The following DACH2 variants were observed in gnomAD, a reference collection of about 807,000 sequenced individuals.
DACH2 encodes dachshund homolog 2.
A neutral mutation model predicts 35.8 loss-of-function variants in DACH2; 17 were observed. The observed-to-expected ratio is 0.48, with a 90% CI of 0.33 to 0.71. The LOEUF (loss-of-function observed/expected upper bound fraction) is 0.71. Among genes scored for constraint, DACH2 ranks in the 30% least tolerant of loss-of-function variants. The pLI is 0.02. For synonymous variants in DACH2, 195 were observed against 177.3 expected (o/e 1.10, Z -0.79); for missense variants, 469 against 472.7 (o/e 0.99, Z 0.07).
At position 86,567,969 on chromosome X, in the gene DACH2, G is replaced by A. The variant is rs759172259; in HGVS notation, c.640+53578G>A. The stretch of plus-strand genomic sequence containing the variant: ...ACATCAAGACAATTGAATATTATTC[G>A]CTGCTAAAAGAAATGCAATATCAAG... On this transcript the variant is annotated intron_variant, in intron 3 of 11. Coordinates refer to ENST00000373125, the MANE Select transcript of DACH2 (RefSeq NM_053281.3). 6.3e-5 allele frequency among the ~76,000 whole-genome samples: 7 copies of A among 111,250 alleles called. No homozygotes were observed. In the East Asian group the frequency reaches 8.6e-4, roughly 14 times the overall value.
intron 2 of DACH2, among the ~76,000 whole-genome samples, chrX:86,424,920 C>A (rs771123468): frequency 3.6e-5 from 4 of 111,197 alleles, no homozygotes; most frequent in Non-Finnish European, 7.6e-5. Context: ...TTTTCAGGAT[C>A]TGTGGAAATG....
At chrX:86,790,358 G>A (rs1005362155) in intron 7 of DACH2, among the ~76,000 whole-genome samples, 1 of 111,588 alleles carries the variant, frequency 9.0e-6, no homozygotes, top group Non-Finnish European at 1.9e-5. Context: ...TATATTTGTT[G>A]TATGTAATAA....
intron 6 of DACH2, among the ~76,000 whole-genome samples, chrX:86,739,193 C>A (rs901127409): frequency 2.7e-5 from 3 of 111,687 alleles, no homozygotes; most frequent in Non-Finnish European, 5.6e-5. Flanking sequence ...ATTTTGTTGG[C>A]AGAATTCAAC....
intron 3 of DACH2, among the ~76,000 whole-genome samples, chrX:86,610,358 C>T (rs1373964547): frequency 7.3e-5 from 7 of 95,279 alleles, no homozygotes; most frequent in African/African-American, 2.6e-4. Context: ...TTCCTTCCTT[C>T]CTTCCTCTTT....
intron 4 of DACH2, 43 bp downstream of exon 4, chrX:86,651,210 C>T (rs6623751): frequency 0.3 from 350,357 of 1,174,394 alleles, 40,720 homozygotes; most frequent in East Asian, 0.83. Flanking sequence ...TCTTACTGTT[C>T]TATTGTGGGG....
chrX:86,615,253 C>T (rs187034773), intron 3 of DACH2, among the ~76,000 whole-genome samples: 34 of 111,855 alleles, frequency 3.0e-4, no homozygotes, highest in Admixed American at 2.9e-3. Flanking sequence ...ATGAAATTAG[C>T]AGATGCAAAC....
intron 9 of DACH2, among the ~76,000 whole-genome samples, chrX:86,813,560 C>T (rs1215791051): frequency 9.4e-6 from 1 of 106,920 alleles, no homozygotes; most frequent in Non-Finnish European, 1.9e-5. Context: ...TGCAGTAAGC[C>T]GAAATTGTGC....
At chrX:86,336,835 G>A (rs192677418) in intron 1 of DACH2, among the ~76,000 whole-genome samples, 74 of 109,475 alleles carry the variant, frequency 6.8e-4, no homozygotes, top group African/African-American at 2.4e-3. Context: ...TTGAAAACAG[G>A]TTAGACCAAT....
At chrX:86,781,910 G>T (rs1281371647) in intron 7 of DACH2, among the ~76,000 whole-genome samples, 3 of 111,833 alleles carry the variant, frequency 2.7e-5, no homozygotes, top group Non-Finnish European at 5.6e-5. Context: ...GTTTGCAAAT[G>T]ATATGGTCTT....
chrX:86,743,563 A>T (rs1187180749), intron 7 of DACH2, among the ~76,000 whole-genome samples: 1 of 111,646 alleles, frequency 9.0e-6, no homozygotes, highest in Non-Finnish European at 1.9e-5. Flanking sequence ...TAGAAAAAAT[A>T]TTTCATGAAC....
chrX:86,618,914 T>A (rs1347622979), intron 3 of DACH2, among the ~76,000 whole-genome samples: 1 of 112,098 alleles, frequency 8.9e-6, no homozygotes, highest in East Asian at 2.8e-4. Context: ...CACACTAGAA[T>A]TGGCTCTTAC....
chrX:86,396,390 T>G (rs1344487857), intron 2 of DACH2, among the ~76,000 whole-genome samples: 3 of 95,062 alleles, frequency 3.2e-5, no homozygotes, highest in Non-Finnish European at 4.2e-5. Context: ...CTCTTTAGTT[T>G]AATTAGATCC....
intron 7 of DACH2, among the ~76,000 whole-genome samples, chrX:86,753,951 AC>A (rs1334424087): frequency 3.7e-5 from 4 of 108,986 alleles, no homozygotes; most frequent in Non-Finnish European, 7.7e-5. Context: ...AAAAAAAAAA[AC>A]AAATGTTCAA....
chrX:86,636,371 G>C (rs6418348), intron 3 of DACH2, among the ~76,000 whole-genome samples: 40,147 of 110,272 alleles, frequency 0.36, 6,116 homozygotes, highest in East Asian at 0.82. Context: ...TCACTTGAAC[G>C]CGGGAGGCAG....
intron 2 of DACH2, among the ~76,000 whole-genome samples, chrX:86,450,339 C>T (rs1201422979): frequency 9.0e-6 from 1 of 111,291 alleles, no homozygotes; most frequent in African/African-American, 3.3e-5. Context: ...TTTTCTCTTC[C>T]TGCATTAGTT....
Position 86,545,762 on chromosome X carries a change from G to A in DACH2, c.640+31371G>A, listed in dbSNP as rs191290542. Among the ~76,000 whole-genome samples the A allele has an allele frequency of 4.3e-3, 484 of 111,284 alleles. 5 individuals are homozygous for A. Among genetic ancestry groups the A allele is most frequent in the African/African-American group, 0.014 (428 of 30,631 alleles). On this transcript the variant is annotated intron_variant, in intron 3 of 11. Coordinates refer to ENST00000373125, the MANE Select transcript of DACH2 (RefSeq NM_053281.3). Reference sequence around the variant, plus strand: ...AAATGAGAAATGAAACATTTTTAGGGAAAAGAAACTTTATTAAGGGTTGAT... The same window carrying A: ...AAATGAGAAATGAAACATTTTTAGGAAAAAGAAACTTTATTAAGGGTTGAT...
chrX:86,391,443 T>G lies in DACH2; in HGVS notation c.527+14581T>G, dbSNP rs769742079. 2.7e-5 allele frequency among the ~76,000 whole-genome samples: 3 copies of G among 110,121 alleles called. No homozygotes were observed. In the South Asian group the frequency reaches 1.2e-3, roughly 43 times the overall value. On this transcript the variant is annotated intron_variant, in intron 2 of 11. Transcript: ENST00000373125. ...TATAAGGGGTTGTAGAAACACCAAC[T>G]ATTTGAAATATTGAATATAAAATAC...
chrX:86,233,664 G>A (rs1353491876), intron 1 of DACH2, among the ~76,000 whole-genome samples: 3 of 111,671 alleles, frequency 2.7e-5, no homozygotes, highest in Admixed American at 9.5e-5. Flanking sequence ...CCATTTTCAC[G>A]CTGCTGATAA....
At chrX:86,479,352 G>A (rs1043636541) in intron 2 of DACH2, among the ~76,000 whole-genome samples, 1 of 110,699 alleles carries the variant, frequency 9.0e-6, no homozygotes, top group Non-Finnish European at 1.9e-5. Flanking sequence ...GTGGGCACAG[G>A]CCTGAGGATG....
Sources: gnomAD v4.1 joint callset for allele counts (sites outside exome capture counted in the v4.1 genomes callset) on GRCh38, gnomAD v4.1.1 for gene constraint, MANE v1.5 for transcripts, NCBI Gene and HGNC (gene_info 2026-07-23, HGNC 2026-07-21) for gene names.